Variants in SLC35A3 observed in about 807,000 individuals in gnomAD.
The protein encoded by SLC35A3 is solute carrier family 35 member A3, also known as UDP-N-acetylglucosamine transporter.
Under a neutral mutation model 39.0 loss-of-function variants are expected in SLC35A3, and 26 were observed. The ratio of observed to expected loss-of-function variants is 0.67; its 90% confidence interval spans 0.49 to 0.92. SLC35A3 has a LOEUF of 0.92. Among genes scored for constraint, SLC35A3 ranks in the 40% least tolerant of loss-of-function variants. SLC35A3 has a pLI of 0.00. For synonymous variants in SLC35A3, 135 were observed against 133.1 expected (o/e 1.01, Z -0.10); for missense variants, 299 against 371.6 (o/e 0.80, Z 1.61).
At chr1:99,995,430 G>A (rs1213503292) in intron 2 of SLC35A3, among the ~76,000 whole-genome samples, 6 of 152,058 alleles carry the variant, frequency 3.9e-5, no homozygotes, top group Non-Finnish European at 8.8e-5. Flanking sequence ...TGGGATTACA[G>A]GAGTGAGCCA....
rs1277126935 is a variant in SLC35A3, at chr1:100,029,255, A to G, written c.*6779A>G. 2.6e-5 allele frequency: 4 copies of G among 152,086 alleles called. No homozygotes were observed. In the East Asian group the frequency reaches 5.8e-4, roughly 22 times the overall value. The allele number at this position is 152,086 out of a possible 1,614,324, so 9.4% of individuals were successfully genotyped here. A position where few individuals can be genotyped will look rare whatever the true frequency, so the allele number is the denominator to read the frequency against. On this transcript the variant is annotated 3_prime_UTR_variant, in exon 8 of 8. Coordinates refer to ENST00000533028, the MANE Select transcript of SLC35A3 (RefSeq NM_012243.3). The stretch of plus-strand genomic sequence containing the variant: ...TCAAGTGTTGTCTAAGGAACCCACA[A>G]TGAATAATAAAGACATTCCTATCAG...
chr1:99,982,003 C>CTTT (rs549298454), intron 1 of SLC35A3, among the ~76,000 whole-genome samples: 4 of 125,830 alleles, frequency 3.2e-5, no homozygotes, highest in Non-Finnish European at 5.2e-5. Context: ...AGGATGTATT[C>CTTT]TTTTTTTTTT....
intron 1 of SLC35A3, among the ~76,000 whole-genome samples, chr1:99,985,117 T>C (rs1486861312): frequency 6.6e-6 from 1 of 152,234 alleles, no homozygotes; most frequent in Non-Finnish European, 1.5e-5. Context: ...CATTTGCTTT[T>C]GGGTTTTTGA....
chr1:99,987,459 G>T (rs1657814561), intron 1 of SLC35A3, among the ~76,000 whole-genome samples: 1 of 152,070 alleles, frequency 6.6e-6, no homozygotes, highest in African/African-American at 2.4e-5. Context: ...ATTTAATAGT[G>T]AGTATACGTA....
chr1:99,989,822 G>T (rs554137329), intron 1 of SLC35A3, among the ~76,000 whole-genome samples: 59 of 151,920 alleles, frequency 3.9e-4, no homozygotes, highest in African/African-American at 1.3e-3. Context: ...CTGGAGTGTG[G>T]TGGCATGAAC....
chr1:100,013,704 C>A (rs482778), intron 5 of SLC35A3, among the ~76,000 whole-genome samples: 15,826 of 151,498 alleles, frequency 0.1, 1,331 homozygotes, highest in African/African-American at 0.23. Context: ...ACACACATAC[C>A]TATTTTATAT....
intron 3 of SLC35A3, among the ~76,000 whole-genome samples, chr1:100,004,533 C>G (rs1659062971): frequency 6.6e-6 from 1 of 152,004 alleles, no homozygotes; most frequent in Non-Finnish European, 1.5e-5. Flanking sequence ...AACTCCTGAG[C>G]TCAAGAGATC....
chr1:99,988,420 T>A (rs1657875066), intron 1 of SLC35A3, among the ~76,000 whole-genome samples: 1 of 152,172 alleles, frequency 6.6e-6, no homozygotes, highest in East Asian at 1.9e-4. Context: ...CATAGGATAA[T>A]TTATTCAAAT....
chr1:100,020,047 A>G lies in SLC35A3; in HGVS notation c.887+2232A>G, dbSNP rs888362504. ...CAATTTCTTGTCTTCAAGGTCATCA[A>G]GGTTTGGTGATCATCAAGTGATTGG... is the stretch of plus-strand genomic sequence containing the variant. On this transcript the variant is annotated intron_variant, in intron 7 of 7. Coordinates refer to ENST00000533028, the MANE Select transcript of SLC35A3 (RefSeq NM_012243.3). Among the ~76,000 whole-genome samples the G allele has an allele frequency of 2.0e-5, 3 of 152,204 alleles. No homozygotes were observed. In the East Asian group the frequency reaches 5.8e-4, roughly 29 times the overall value.
rs539845268 is a variant in SLC35A3, at chr1:99,970,185, G to A, written c.-19+23G>A. The A allele has an allele frequency of 1.4e-3, 265 of 184,002 alleles. 5 individuals are homozygous for A. The highest frequency in any genetic ancestry group is 2.4e-3 in the Non-Finnish European group (210 of 87,910). The allele number at this position is 184,002 out of a possible 1,614,324, so 11.4% of individuals were successfully genotyped here. On this transcript the variant is annotated intron_variant, in intron 1 of 7. Transcript: ENST00000533028. Reference sequence around the variant, plus strand: ...GAGGTGAGTCCTCAGCGCACCTGGGGAGGGGCGGGAACCAGGAGGCTAGCG... The same window carrying A: ...GAGGTGAGTCCTCAGCGCACCTGGGAAGGGGCGGGAACCAGGAGGCTAGCG...
chr1:100,016,606 C>T (rs1660149323), intron 6 of SLC35A3, among the ~76,000 whole-genome samples: 1 of 151,644 alleles, frequency 6.6e-6, no homozygotes, highest in Non-Finnish European at 1.5e-5. Flanking sequence ...ATCTCCTGGC[C>T]TTGTGATCCG....
chr1:99,979,595 G>A (rs1470537694), intron 1 of SLC35A3, among the ~76,000 whole-genome samples: 5 of 150,926 alleles, frequency 3.3e-5, no homozygotes, highest in Admixed American at 6.6e-5. Context: ...CACCACGCCC[G>A]GCTAATTTTT....
intron 3 of SLC35A3, among the ~76,000 whole-genome samples, chr1:100,006,126 C>T (rs1398423719): frequency 1.3e-5 from 2 of 152,112 alleles, no homozygotes; most frequent in African/African-American, 4.8e-5. Flanking sequence ...TCAGTGGGGT[C>T]TGTCTGGTTC....
rs1222331627 is a variant in SLC35A3, at chr1:100,017,748, A to G, written c.820A>G (p.Thr274Ala). 6.3e-7 allele frequency: 1 copy of G among 1,577,056 alleles called. No individual in the cohort carries two copies. The highest frequency in any genetic ancestry group is 8.6e-7 in the Non-Finnish European group (1 of 1,160,512). The change falls in exon 7 of 8, where the codon ACC becomes GCC. Residue 274 changes from threonine (T) to alanine (A), a missense_variant. Transcript: ENST00000533028. ...AGATAATATTTTAAAAGGATTTGCA[A>G]CCTCTTTATCGATAATATTATCAAC... ...YADNILKGFA[T>A]SLSIILSTLI... is the part of the protein sequence containing the mutation.
chr1:99,991,130 C>T (rs1658055374), intron 1 of SLC35A3, among the ~76,000 whole-genome samples: 1 of 152,106 alleles, frequency 6.6e-6, no homozygotes, highest in Admixed American at 6.6e-5. Context: ...TGCTTCTGTC[C>T]TCATGCCAAT....
Position 99,997,408 on chromosome 1 carries a change from TTTTATATATATATATATATATATA to T in SLC35A3, c.188-1851_188-1828del, listed in dbSNP as rs1293829833. 3.6e-4 allele frequency among the ~76,000 whole-genome samples: 20 copies of T among 55,724 alleles called. 1 individual carries two copies. Among genetic ancestry groups the T allele is most frequent in the African/African-American group, 1.3e-3 (18 of 13,508 alleles). The allele number at this position is 55,724 out of a possible 152,430, so 36.6% of individuals were successfully genotyped here. A position where few individuals can be genotyped will look rare whatever the true frequency, so the allele number is the denominator to read the frequency against. Reference sequence around the variant, plus strand: ...ATACAGTTATATGTTTTATATATAGTTTTATATATATATATATATATATATATATATATATATATATATATATAT... The same window carrying T: ...ATACAGTTATATGTTTTATATATAGTTATATATATATATATATATATATAT... On this transcript the variant is annotated intron_variant, in intron 2 of 7. Transcript: ENST00000533028.
intron 7 of SLC35A3, among the ~76,000 whole-genome samples, chr1:100,020,424 A>G (rs1334559112): frequency 1.3e-5 from 2 of 152,226 alleles, no homozygotes; most frequent in Non-Finnish European, 2.9e-5. Flanking sequence ...ATAGTTCATA[A>G]TGACTAAGGA....
intron 1 of SLC35A3, among the ~76,000 whole-genome samples, chr1:99,977,065 A>G (rs923168148): frequency 1.2e-4 from 19 of 152,232 alleles, no homozygotes; most frequent in African/African-American, 4.6e-4. Flanking sequence ...TTATTTTCAC[A>G]TTAAATTTTT....
chr1:100,026,893 C>A lies in SLC35A3; in HGVS notation c.*4417C>A. ...GTTAAATGGCTTTTTAATTGATAAA[C>A]TTCTCTTGTCATTTTTTGGTATCCA... On this transcript the variant is annotated 3_prime_UTR_variant, in exon 8 of 8. Transcript: ENST00000533028. 2 of 297,352 alleles carry A rather than the reference C, an allele frequency of 6.7e-6. No homozygotes were observed. Among genetic ancestry groups the A allele is most frequent in the Non-Finnish European group, 1.2e-5 (2 of 163,936 alleles). 18.4% of individuals were successfully genotyped at this position (297,352 alleles called of 1,614,324 possible).
Sources: gnomAD v4.1 joint callset for allele counts (sites outside exome capture counted in the v4.1 genomes callset) on GRCh38, gnomAD v4.1.1 for gene constraint, MANE v1.5 for transcripts, NCBI Gene and HGNC (gene_info 2026-07-23, HGNC 2026-07-21) for gene names.